RWDD4: variants seen among roughly 807,000 people sequenced by gnomAD.
RWDD4 encodes the protein RWD domain containing 4.
Under a neutral mutation model 30.0 loss-of-function variants are expected in RWDD4, and 16 were observed. The observed-to-expected ratio is 0.53, with a 90% CI of 0.36 to 0.81. The LOEUF is 0.81. Among genes scored for constraint, RWDD4 ranks in the 30% least tolerant of loss-of-function variants. RWDD4 has a pLI of 0.00. For synonymous variants in RWDD4, 45 were observed against 72.1 expected (o/e 0.62, Z 1.90); for missense variants, 170 against 223.9 (o/e 0.76, Z 1.54).
At chr4:183,653,103 T>C (rs1734117230) in intron 2 of RWDD4, among the ~76,000 whole-genome samples, 1 of 152,158 alleles carries the variant, frequency 6.6e-6, no homozygotes, top group Non-Finnish European at 1.5e-5. Context: ...CTGATTCAAA[T>C]TAAACATTTT....
intron 1 of RWDD4, among the ~76,000 whole-genome samples, chr4:183,657,315 A>G (rs187795887): frequency 3.3e-5 from 5 of 152,360 alleles, no homozygotes; most frequent in African/African-American, 1.2e-4. Context: ...GATTGGAACA[A>G]AAACCTTACT....
chr4:183,656,596 C>T (rs6818621), intron 1 of RWDD4, among the ~76,000 whole-genome samples: 7 of 152,072 alleles, frequency 4.6e-5, no homozygotes, highest in African/African-American at 1.7e-4. Flanking sequence ...CTGTGATCAC[C>T]GATGAATACC....
intron 1 of RWDD4, 22 bp downstream of exon 1, chr4:183,658,907 G>C: frequency 1.6e-6 from 2 of 1,256,228 alleles, no homozygotes; most frequent in Non-Finnish European, 2.0e-6. Context: ...GCTGGGAGAG[G>C]GCCCTGAGCC....
At chr4:183,654,840 C>T (rs971878285) in intron 2 of RWDD4, among the ~76,000 whole-genome samples, 1 of 152,098 alleles carries the variant, frequency 6.6e-6, no homozygotes, top group African/African-American at 2.4e-5. Context: ...ATCGATCATG[C>T]ATAAGAATCA....
chr4:183,652,109 A>G (rs924754538), intron 2 of RWDD4, among the ~76,000 whole-genome samples: 1 of 152,198 alleles, frequency 6.6e-6, no homozygotes, highest in South Asian at 2.1e-4. Flanking sequence ...TGAGTAAAGT[A>G]TCTTAAGAAA....
At chr4:183,656,219 C>A in intron 1 of RWDD4, 1 of 277,482 alleles carries the variant, frequency 3.6e-6, no homozygotes, top group East Asian at 6.0e-5. Context: ...TCAACCCTGT[C>A]AAGAGGCTCC....
chr4:183,644,926 C>G (rs77231956), intron 7 of RWDD4, among the ~76,000 whole-genome samples: 7,477 of 152,000 alleles, frequency 0.049, 248 homozygotes, highest in Middle Eastern at 0.11. Context: ...AAAGTGAGAC[C>G]CTGTCTCTAG....
intron 7 of RWDD4, among the ~76,000 whole-genome samples, chr4:183,642,185 A>ATTTTTTTTTTTTT (rs1009902870): frequency 2.1e-5 from 2 of 97,154 alleles, no homozygotes; most frequent in African/African-American, 5.2e-5. Flanking sequence ...CATTCTTAAA[A>ATTTTTTTTTTTTT]TTTTTTTTTT....
chr4:183,658,438 AACAG>A (rs1734263670), intron 1 of RWDD4, among the ~76,000 whole-genome samples: 1 of 152,244 alleles, frequency 6.6e-6, no homozygotes, highest in Non-Finnish European at 1.5e-5. Context: ...GAATGCTCAA[AACAG>A]ACAGATGGGT....
At chr4:183,643,330 C>T (rs539396182) in intron 7 of RWDD4, among the ~76,000 whole-genome samples, 5 of 131,310 alleles carry the variant, frequency 3.8e-5, no homozygotes, top group Admixed American at 8.6e-5. Flanking sequence ...GTAGAAGAAT[C>T]GCTTGAACCT....
chr4:183,653,257 C>T (rs1255103796), intron 2 of RWDD4, among the ~76,000 whole-genome samples: 1 of 152,110 alleles, frequency 6.6e-6, no homozygotes, highest in African/African-American at 2.4e-5. Flanking sequence ...TCAACACAAA[C>T]CTTTTCATTT....
chr4:183,641,309 T>C lies in RWDD4; in HGVS notation c.*127A>G, dbSNP rs1427833581. ...AACTTTCAACTTACAACCTTTTTAA[T>C]GTAAGAAACATACAAAAAATTGTGT... On this transcript the variant is annotated 3_prime_UTR_variant, in exon 8 of 8. Coordinates refer to ENST00000326397, the MANE Select transcript of RWDD4 (RefSeq NM_152682.4). The C allele has an allele frequency of 5.3e-6, 4 of 760,058 alleles. No homozygotes were observed. The highest frequency in any genetic ancestry group is 7.0e-6 in the Non-Finnish European group (3 of 431,268). The allele number at this position is 760,058 out of a possible 1,614,324, so 47.1% of individuals were successfully genotyped here. A position where few individuals can be genotyped will look rare whatever the true frequency, so the allele number is the denominator to read the frequency against.
chr4:183,646,225 CT>C, intron 7 of RWDD4, 125 bp downstream of exon 7: 1 of 663,566 alleles, frequency 1.5e-6, no homozygotes, highest in South Asian at 1.9e-5. Flanking sequence ...TTAAGATGTG[CT>C]TACATAGTCA....
At chr4:183,643,754 T>G (rs1011357224) in intron 7 of RWDD4, among the ~76,000 whole-genome samples, 1 of 151,896 alleles carries the variant, frequency 6.6e-6, no homozygotes, top group African/African-American at 2.4e-5. Context: ...CCATCTCTAC[T>G]AAAAAATACC....
At chr4:183,656,142 T>C (rs917630678) in intron 1 of RWDD4, 181 bp from the exon 2 acceptor site, 1 of 526,952 alleles carries the variant, frequency 1.9e-6, no homozygotes, top group Middle Eastern at 4.7e-4. Context: ...CAATGATACT[T>C]ACTTTCAAAC....
At chr4:183,658,054 C>T (rs6838609) in intron 1 of RWDD4, among the ~76,000 whole-genome samples, 50,749 of 152,060 alleles carry the variant, frequency 0.33, 8,523 homozygotes, top group Middle Eastern at 0.43. Context: ...GAAATTCACC[C>T]GGCAAGAATA....
At chr4:183,652,636 C>G (rs955824197) in intron 2 of RWDD4, among the ~76,000 whole-genome samples, 2 of 151,934 alleles carry the variant, frequency 1.3e-5, no homozygotes, top group Non-Finnish European at 2.9e-5. Context: ...ATGGTGAAAC[C>G]CCATCTCTGC....
rs1733846163 is a variant in RWDD4 at position 183,641,068 on chromosome 4, C to T, written c.*368G>A. The T allele has an allele frequency of 4.0e-6, 1 of 249,554 alleles. No individual in the cohort carries two copies. The highest frequency in any genetic ancestry group is 2.3e-5 in the African/African-American group (1 of 42,936). 15.5% of individuals were successfully genotyped at this position (249,554 alleles called of 1,614,324 possible). A position where few individuals can be genotyped will look rare whatever the true frequency, so the allele number is the denominator to read the frequency against. On this transcript the variant is annotated 3_prime_UTR_variant, in exon 8 of 8. Transcript: ENST00000326397. ...TAACTGTTCACTGAGTACTCCGCTC[C>T]ACTGGGATGATAGTTTGAAAAGGGC...
At chr4:183,649,421 G>T (rs1734031141) in intron 5 of RWDD4, 30 bp downstream of exon 5, 5 of 1,361,678 alleles carry the variant, frequency 3.7e-6, no homozygotes, top group African/African-American at 1.5e-5. Context: ...TCAAAAAAAA[G>T]AAAAGAAAAG....
Sources: allele counts gnomAD v4.1 joint callset (sites outside exome capture counted in the v4.1 genomes callset), GRCh38; gene constraint gnomAD v4.1.1; transcripts MANE v1.5; gene names NCBI Gene and HGNC (gene_info 2026-07-23, HGNC 2026-07-21).